Variants in CSDC2 observed in about 807,000 individuals in gnomAD.
CSDC2 encodes cold shock domain containing C2.
CSDC2 carries 8 observed loss-of-function variants against 15.8 expected under a neutral mutation model. The ratio of observed to expected loss-of-function variants is 0.51; its 90% confidence interval spans 0.30 to 0.92. The LOEUF is 0.92. Among genes scored for constraint, CSDC2 ranks in the 40% least tolerant of loss-of-function variants. CSDC2 has a pLI of 0.07. For synonymous variants in CSDC2, 96 were observed against 92.3 expected, an observed-to-expected ratio of 1.04 and a Z score of -0.23; for missense variants, 195 against 213.3, an observed-to-expected ratio of 0.91 and a Z score of 0.53.
chr22:41,563,045 A>G (rs1027510408), intron 1 of CSDC2, among the ~76,000 whole-genome samples: 12 of 152,108 alleles, frequency 7.9e-5, no homozygotes, highest in Admixed American at 5.9e-4. Flanking sequence ...ACCACCACCC[A>G]AGCCACAGAA....
In CSDC2 at chr22:41,575,323, C is replaced by T. The variant is rs143223153; in HGVS notation, c.*428C>T. ...GGAGCCAGGCTCTCTGTGCTACTTA[C>T]ATCTCCCTCCCTTGGCTGAGGTCCC... On this transcript the variant is annotated 3_prime_UTR_variant, in exon 4 of 4. Transcript: ENST00000306149. 156 of 182,056 alleles carry T rather than the reference C, an allele frequency of 8.6e-4. 8 individuals carry two copies. In the East Asian group the frequency reaches 0.022, roughly 25 times the overall value. 11.3% of individuals were successfully genotyped at this position (182,056 alleles called of 1,614,324 possible). A position where few individuals can be genotyped will look rare whatever the true frequency, so the allele number is the denominator to read the frequency against.
intron 1 of CSDC2, among the ~76,000 whole-genome samples, chr22:41,562,116 G>A (rs995543494): frequency 3.3e-5 from 5 of 152,138 alleles, no homozygotes; most frequent in Non-Finnish European, 7.4e-5. Flanking sequence ...TGGGGTAGGA[G>A]AGGAGGAAGT....
At position 41,573,639 on chromosome 22, in the gene CSDC2, A is replaced by G; in HGVS notation, c.177-16A>G. The stretch of plus-strand genomic sequence containing the variant: ...TTCCTCAGGCCACAGCTCCAATCCC[A>G]CTACCCTATCTCCAGGACAGCCCGG... On this transcript the variant is annotated splice_polypyrimidine_tract_variant and intron_variant, in intron 2 of 3. Coordinates refer to ENST00000306149, the MANE Select transcript of CSDC2 (RefSeq NM_014460.4). The G allele has an allele frequency of 6.2e-7, 1 of 1,605,730 alleles. No homozygotes were observed. Among genetic ancestry groups the G allele is most frequent in the Non-Finnish European group, 8.5e-7 (1 of 1,174,652 alleles).
intron 2 of CSDC2, among the ~76,000 whole-genome samples, 168 bp downstream of exon 2, chr22:41,572,309 C>T (rs1246809173): frequency 6.7e-6 from 1 of 148,678 alleles, no homozygotes; most frequent in Admixed American, 6.8e-5. Flanking sequence ...TCCATCCACC[C>T]ATCCACCCAT....
At chr22:41,574,424 C>A (rs895185436) in intron 3 of CSDC2, among the ~76,000 whole-genome samples, 1 of 152,220 alleles carries the variant, frequency 6.6e-6, no homozygotes, top group African/African-American at 2.4e-5. Flanking sequence ...AGCCACCATG[C>A]CTGGCTAATT....
In CSDC2 at chr22:41,572,076, G is replaced by T; in HGVS notation, c.111G>T (p.Arg37=). 1 of 1,363,384 alleles carries T rather than the reference G, an allele frequency of 7.3e-7. No individual in the cohort carries two copies. The highest frequency in any genetic ancestry group is 2.9e-5 in the East Asian group (1 of 34,730). 84.5% of individuals were successfully genotyped at this position (1,363,384 alleles called of 1,614,324 possible). ...GGGAGGGCAGCAGGGTCTGGGAGCG[G>T]GGTGGTGTCCCACCTCGGGACCTAC... ...FHREGSRVWE[R]GGVPPRDLPS... Residue 37 remains arginine (R), a synonymous_variant, in exon 2 of 4, where the codon CGG becomes CGT. Coordinates refer to ENST00000306149, the MANE Select transcript of CSDC2 (RefSeq NM_014460.4).
intron 1 of CSDC2, among the ~76,000 whole-genome samples, chr22:41,563,787 C>A (rs186833143): frequency 5.5e-4 from 84 of 152,054 alleles, no homozygotes; most frequent in African/African-American, 1.8e-3. Context: ...GATGGGTGTA[C>A]TAAGCCAGGC....
chr22:41,568,176 G>A (rs943788009), intron 1 of CSDC2, among the ~76,000 whole-genome samples: 1 of 119,534 alleles, frequency 8.4e-6, no homozygotes, highest in African/African-American at 3.2e-5. Context: ...CCAGGCTGTA[G>A]TGCAGTAGCT....
chr22:41,575,120 G>A lies in CSDC2; in HGVS notation c.*225G>A. 1.7e-6 allele frequency: 1 copy of A among 604,204 alleles called. No individual in the cohort carries two copies. The highest frequency in any genetic ancestry group is 2.0e-5 in the South Asian group (1 of 49,196). 37.4% of individuals were successfully genotyped at this position (604,204 alleles called of 1,614,324 possible). ...GGCCAGGAGGTAGGTGGAGGGCAAG[G>A]CCACCAGACCTGGCTTCGCGCTGTC... On this transcript the variant is annotated 3_prime_UTR_variant, in exon 4 of 4. Coordinates refer to ENST00000306149, the MANE Select transcript of CSDC2 (RefSeq NM_014460.4).
chr22:41,571,720 C>T (rs1306486710), intron 1 of CSDC2, 123 bp from the exon 2 acceptor site: 3 of 376,176 alleles, frequency 8.0e-6, no homozygotes, highest in East Asian at 3.8e-5. Flanking sequence ...ACGATGGGGT[C>T]GTTTGTGACT....
At chr22:41,574,268 AT>A (rs61405144) in intron 3 of CSDC2, among the ~76,000 whole-genome samples, 13,678 of 152,010 alleles carry the variant, frequency 0.09, 1,555 homozygotes, top group African/African-American at 0.27. Flanking sequence ...ATTTTATTTT[AT>A]TTTATTTATT....
rs2067147557 is a variant in CSDC2 at position 41,572,004 on chromosome 22, G to A, written c.39G>A (p.Pro13=). 6 of 1,344,740 alleles carry A rather than the reference G, an allele frequency of 4.5e-6. No individual in the cohort carries two copies. The highest frequency in any genetic ancestry group is 4.0e-5 in the Admixed American group (1 of 24,866). The allele number at this position is 1,344,740 out of a possible 1,614,324, so 83.3% of individuals were successfully genotyped here. A position where few individuals can be genotyped will look rare whatever the true frequency, so the allele number is the denominator to read the frequency against. Residue 13 remains proline, a synonymous_variant, in exon 2 of 4, where the codon CCG becomes CCA. Coordinates refer to ENST00000306149, the MANE Select transcript of CSDC2 (RefSeq NM_014460.4). ...SESTSPPVVP[P]LHSPKSPVWP... is the part of the protein sequence containing the mutation. ...CGACGTCACCCCCAGTTGTGCCCCC[G>A]CTCCACTCCCCCAAGTCCCCAGTCT... is the stretch of plus-strand genomic sequence containing the variant.
intron 1 of CSDC2, among the ~76,000 whole-genome samples, chr22:41,563,870 G>C (rs2067099824): frequency 1.3e-5 from 2 of 150,080 alleles, no homozygotes; most frequent in Non-Finnish European, 3.0e-5. Flanking sequence ...GGGAGATCGA[G>C]ACCATCCTGG....
chr22:41,575,198 T>C lies in CSDC2; in HGVS notation c.*303T>C, dbSNP rs974925572. On this transcript the variant is annotated 3_prime_UTR_variant, in exon 4 of 4. Coordinates refer to ENST00000306149, the MANE Select transcript of CSDC2 (RefSeq NM_014460.4). ...GCAGACACGCAGGACCCGCTCGCCC[T>C]CCTGCTTACCCGTCCCCACGGTGAC... 8 of 447,982 alleles carry C rather than the reference T, an allele frequency of 1.8e-5. No individual in the cohort carries two copies. In the South Asian group the frequency reaches 2.1e-4, roughly 12 times the overall value. 27.8% of individuals were successfully genotyped at this position (447,982 alleles called of 1,614,324 possible).
Position 41,561,045 on chromosome 22 carries a change from G to GACACACACACACACACACACACACACAC in CSDC2, c.-252_-225dup, listed in dbSNP as rs61037464. The GACACACACACACACACACACACACACAC allele has an allele frequency of 2.3e-5, 3 of 132,138 alleles. No individual in the cohort carries two copies. The highest frequency in any genetic ancestry group is 8.5e-5 in the African/African-American group (3 of 35,304). 8.2% of individuals were successfully genotyped at this position (132,138 alleles called of 1,614,324 possible). On this transcript the variant is annotated 5_prime_UTR_variant, in exon 1 of 4. Transcript: ENST00000306149. ...GGTACCGCCCGCGCGAGCACACACA[G>GACACACACACACACACACACACACACAC]ACACACACACACACACACACACACA...
intron 2 of CSDC2, among the ~76,000 whole-genome samples, 198 bp downstream of exon 2, chr22:41,572,339 TCCATCCACCCAC>T (rs1569049018): frequency 1.0e-5 from 1 of 96,396 alleles, no homozygotes; most frequent in Non-Finnish European, 1.9e-5. Context: ...CATCCATCCA[TCCATCCACCCAC>T]CCACCCACCC....
intron 2 of CSDC2, among the ~76,000 whole-genome samples, 168 bp from the exon 3 acceptor site, chr22:41,573,487 C>G (rs1377619180): frequency 6.6e-6 from 1 of 152,038 alleles, no homozygotes; most frequent in Non-Finnish European, 1.5e-5. Flanking sequence ...TGTGAGCCAC[C>G]GTGCCTGGCC....
rs557495175 is a variant in CSDC2 at position 41,573,923 on chromosome 22, G to A, written c.299+146G>A. 6.3e-6 allele frequency: 7 copies of A among 1,116,148 alleles called. No homozygotes were observed. In the African/African-American group the frequency reaches 9.6e-5, roughly 15 times the overall value. 69.1% of individuals were successfully genotyped at this position (1,116,148 alleles called of 1,614,324 possible). On this transcript the variant is annotated intron_variant, in intron 3 of 3. Coordinates refer to ENST00000306149, the MANE Select transcript of CSDC2 (RefSeq NM_014460.4). ...TGTCCTCTGAGTAGGGGCTGAGGGT[G>A]CGTTGGGAGAGGAGGGCTGGGGCCA... is the stretch of plus-strand genomic sequence containing the variant.
chr22:41,572,792 C>T (rs1369057570), intron 2 of CSDC2, among the ~76,000 whole-genome samples: 2 of 152,138 alleles, frequency 1.3e-5, no homozygotes, highest in African/African-American at 4.8e-5. Context: ...GGTAGGTAGG[C>T]GGGACAAAGA....
Sources: allele counts gnomAD v4.1 joint callset (sites outside exome capture counted in the v4.1 genomes callset), GRCh38; gene constraint gnomAD v4.1.1; transcripts MANE v1.5; gene names NCBI Gene and HGNC (gene_info 2026-07-23, HGNC 2026-07-21).